ERBB4: variants seen among roughly 807,000 people sequenced by gnomAD.
ERBB4 encodes the protein erb-b2 receptor tyrosine kinase 4.
In ERBB4, 42 loss-of-function variants were observed where a neutral mutation model predicts 158.0. The ratio of observed to expected loss-of-function variants is 0.27; its 90% CI spans 0.21 to 0.34. The LOEUF is 0.34. ERBB4 is among the 10% of genes least tolerant of loss of function. The pLI is 1.00. For synonymous variants in ERBB4, 583 were observed against 558.7 expected (o/e 1.04, Z -0.61); for missense variants, 1,333 against 1,624.1 (o/e 0.82, Z 3.08).
At chr2:211,605,639 T>C (rs2068954032) in intron 19 of ERBB4, among the ~76,000 whole-genome samples, 1 of 152,112 alleles carries the variant, frequency 6.6e-6, no homozygotes, top group South Asian at 2.1e-4. Context: ...TATTTTCCCA[T>C]AATATCCCAA....
intron 2 of ERBB4, among the ~76,000 whole-genome samples, chr2:212,034,870 T>C (rs1374280102): frequency 6.6e-6 from 1 of 152,150 alleles, no homozygotes; most frequent in East Asian, 1.9e-4. Flanking sequence ...GCCAATGGGA[T>C]GGTTTCACTG....
At chr2:211,581,500 TA>T (rs1184866386) in intron 19 of ERBB4, among the ~76,000 whole-genome samples, 1 of 152,088 alleles carries the variant, frequency 6.6e-6, no homozygotes, top group Non-Finnish European at 1.5e-5. Context: ...AAAAATACAA[TA>T]AAAAACTATG....
At chr2:212,361,576 TAGTAGA>T (rs140360110) in intron 1 of ERBB4, among the ~76,000 whole-genome samples, 4,214 of 151,818 alleles carry the variant, frequency 0.028, 173 homozygotes, top group African/African-American at 0.096. Context: ...AGACTTTCTA[TAGTAGA>T]AGACAAAATT....
intron 3 of ERBB4, among the ~76,000 whole-genome samples, chr2:211,844,047 CA>C (rs2106010235): frequency 6.6e-6 from 1 of 152,186 alleles, no homozygotes; most frequent in East Asian, 1.9e-4. Flanking sequence ...CACTGCCTCA[CA>C]CATAGTGACA....
rs1418858695 is a variant in ERBB4, at chr2:212,427,220, G to T, written c.82+111229C>A. On this transcript the variant is annotated intron_variant, in intron 1 of 27. Coordinates refer to ENST00000342788, the MANE Select transcript of ERBB4 (RefSeq NM_005235.3). ...ACCATTGGCTCACTATCATTACTAT[G>T]CAAATAGAAGAAAGCAGTTAATGGT... is the stretch of plus-strand genomic sequence containing the variant. 4.6e-5 allele frequency among the ~76,000 whole-genome samples: 7 copies of T among 152,096 alleles called. No individual in the cohort carries two copies. In the East Asian group the frequency reaches 1.3e-3, roughly 29 times the overall value.
chr2:212,130,329 A>G (rs1194551338), intron 1 of ERBB4, among the ~76,000 whole-genome samples: 1 of 152,140 alleles, frequency 6.6e-6, no homozygotes, highest in African/African-American at 2.4e-5. Context: ...CAATTATTCT[A>G]TTTGTATTGA....
In ERBB4 at chr2:211,397,740, C is replaced by T. The variant is rs190606047; in HGVS notation, c.3136-9748G>A. Among the ~76,000 whole-genome samples the T allele has an allele frequency of 4.6e-5, 7 of 152,224 alleles. No homozygotes were observed. In the East Asian group the frequency reaches 7.7e-4, roughly 17 times the overall value. ...TTTCTGGGCCCATTTATTTCTGCCC[C>T]GGCTCCGTGGAAAATAGGACTGTAT... On this transcript the variant is annotated intron_variant, in intron 25 of 27. Transcript: ENST00000342788.
At chr2:211,515,914 T>TATATATA (rs1559248895) in intron 20 of ERBB4, among the ~76,000 whole-genome samples, 1 of 50,718 alleles carries the variant, frequency 2.0e-5, no homozygotes, top group Admixed American at 2.2e-4. Flanking sequence ...ATATATATAT[T>TATATATA]TTTTTTTTTT....
chr2:211,408,356 G>C (rs921725180), intron 25 of ERBB4, among the ~76,000 whole-genome samples: 1 of 152,068 alleles, frequency 6.6e-6, no homozygotes. Context: ...TCAATCTAAG[G>C]ATCCTCTCTA....
At chr2:211,544,373 A>C (rs2066888792) in intron 20 of ERBB4, among the ~76,000 whole-genome samples, 1 of 152,062 alleles carries the variant, frequency 6.6e-6, no homozygotes, top group African/African-American at 2.4e-5. Context: ...GCAAAAAATC[A>C]ATTAGGCATG....
chr2:212,367,162 A>T (rs563616560), intron 1 of ERBB4, among the ~76,000 whole-genome samples: 15 of 152,172 alleles, frequency 9.9e-5, no homozygotes, highest in African/African-American at 3.4e-4. Flanking sequence ...CTACAAGTCA[A>T]AGGAGAGTCC....
chr2:212,279,860 A>G (rs555024606), intron 1 of ERBB4, among the ~76,000 whole-genome samples: 25 of 151,790 alleles, frequency 1.6e-4, no homozygotes, highest in African/African-American at 5.5e-4. Flanking sequence ...AATCTAGAAA[A>G]GGATACAAAA....
chr2:212,225,128 G>A (rs1010019597), intron 1 of ERBB4, among the ~76,000 whole-genome samples: 2 of 151,532 alleles, frequency 1.3e-5, no homozygotes, highest in African/African-American at 2.4e-5. Flanking sequence ...TTCCTCCTAG[G>A]ATTTTAATAC....
At chr2:212,487,557 A>AT (rs111731479) in intron 1 of ERBB4, among the ~76,000 whole-genome samples, 16,512 of 146,412 alleles carry the variant, frequency 0.11, 1,034 homozygotes, top group Non-Finnish European at 0.15. Context: ...TTAGGCATGT[A>AT]TTTTTTTTTT....
At chr2:211,442,896 A>G (rs905774203) in intron 20 of ERBB4, among the ~76,000 whole-genome samples, 1 of 151,982 alleles carries the variant, frequency 6.6e-6, no homozygotes, top group Non-Finnish European at 1.5e-5. Flanking sequence ...TTTATCTTCT[A>G]TTCTTCACTT....
intron 20 of ERBB4, among the ~76,000 whole-genome samples, chr2:211,444,281 C>T (rs546604572): frequency 3.9e-5 from 6 of 152,014 alleles, no homozygotes; most frequent in African/African-American, 1.4e-4. Flanking sequence ...TATCTTTAGC[C>T]TCCACTGGAC....
intron 2 of ERBB4, among the ~76,000 whole-genome samples, chr2:212,065,019 GT>G (rs1272330598): frequency 2.0e-5 from 3 of 149,922 alleles, no homozygotes; most frequent in African/African-American, 7.4e-5. Flanking sequence ...GTGTGTGTGT[GT>G]GTGTGTGTTG....
intron 21 of ERBB4, 108 bp downstream of exon 21, chr2:211,430,837 A>T: frequency 1.0e-6 from 1 of 983,664 alleles, no homozygotes; most frequent in Non-Finnish European, 1.6e-6. Flanking sequence ...ACCAAGGCTT[A>T]ATAATCTCCT....
At chr2:211,449,559 C>T (rs1043710164) in intron 20 of ERBB4, among the ~76,000 whole-genome samples, 2 of 152,102 alleles carry the variant, frequency 1.3e-5, no homozygotes, top group African/African-American at 4.8e-5. Flanking sequence ...TAGATTAAAT[C>T]TGAGTATGAA....
Sources: gnomAD v4.1 joint callset for allele counts (sites outside exome capture counted in the v4.1 genomes callset) on GRCh38, gnomAD v4.1.1 for gene constraint, MANE v1.5 for transcripts, NCBI Gene and HGNC (gene_info 2026-07-23, HGNC 2026-07-21) for gene names.